The following GARS1 variants were observed in gnomAD, a reference collection of about 807,000 sequenced individuals.
GARS1 encodes glycine--tRNA ligase.
In GARS1, 46 loss-of-function variants were observed where a neutral mutation model predicts 86.4. The ratio of observed to expected loss-of-function variants is 0.53; its 90% CI spans 0.42 to 0.68. The LOEUF (loss-of-function observed/expected upper bound fraction) is 0.68. Ranked by LOEUF, GARS1 falls within the 30% of genes least tolerant of loss-of-function variation. The probability of loss-of-function intolerance (pLI) is 0.00; values close to 1 mark genes in which losing one functional copy is unlikely to be tolerated. For synonymous variants in GARS1, 342 were observed against 329.8 expected, an observed-to-expected ratio of 1.04 and a Z score of -0.40; for missense variants, 797 against 915.6, an observed-to-expected ratio of 0.87 and a Z score of 1.67.
chr7:30,622,974 G>A (rs886328372), intron 12 of GARS1, among the ~76,000 whole-genome samples: 3 of 151,868 alleles, frequency 2.0e-5, no homozygotes, highest in Non-Finnish European at 2.9e-5. Context: ...GGTGGCGGGC[G>A]CCTGTAGTCC....
At chr7:30,616,161 G>A in intron 9 of GARS1, 103 bp downstream of exon 9, 5 of 1,339,464 alleles carry the variant, frequency 3.7e-6, no homozygotes, top group Non-Finnish European at 5.3e-6. Context: ...TATTTTGGCA[G>A]TCATTTGCTT....
chr7:30,627,592 A>G (rs1200650159), intron 13 of GARS1, among the ~76,000 whole-genome samples: 6 of 152,202 alleles, frequency 3.9e-5, no homozygotes, highest in Admixed American at 3.9e-4. Context: ...AATTATCAGT[A>G]TATTTCCTGT....
At chr7:30,606,358 C>G (rs994866059) in intron 6 of GARS1, among the ~76,000 whole-genome samples, 1 of 130,606 alleles carries the variant, frequency 7.7e-6, no homozygotes, top group African/African-American at 2.8e-5. Context: ...AACTTTCTAT[C>G]AACTATTTGA....
intron 13 of GARS1, among the ~76,000 whole-genome samples, chr7:30,627,782 A>T (rs1329537277): frequency 6.6e-6 from 1 of 152,270 alleles, no homozygotes; most frequent in Non-Finnish European, 1.5e-5. Flanking sequence ...CAAGCTAAAA[A>T]GTTAAACAAA....
chr7:30,628,419 A>C (rs1783168676), intron 13 of GARS1, 141 bp from the exon 14 acceptor site: 6 of 613,230 alleles, frequency 9.8e-6, no homozygotes, highest in Non-Finnish European at 1.6e-5. Context: ...TCCTGACCTC[A>C]GATGATCCAC....
At chr7:30,627,009 A>G (rs1020331957) in intron 13 of GARS1, 3 of 440,618 alleles carry the variant, frequency 6.8e-6, no homozygotes, top group African/African-American at 2.1e-5. Context: ...AATTTAGACC[A>G]GTGATGTTGC....
At position 30,627,956 on chromosome 7, in the gene GARS1, C is replaced by T. The variant is rs561154133; in HGVS notation, c.1700-604C>T. 1.9e-4 allele frequency among the ~76,000 whole-genome samples: 29 copies of T among 152,252 alleles called. No homozygotes were observed. The East Asian group carries it at 3.7e-3, about 19-fold the overall frequency. ...GAGATAAAGTGTAGCTGCTGCTATT[C>T]GTAGTTTGCTGACTGGTGAAGGAAT... On this transcript the variant is annotated intron_variant, in intron 13 of 16. Coordinates refer to ENST00000389266, the MANE Select transcript of GARS1 (RefSeq NM_002047.4).
At chr7:30,598,540 C>G (rs917602434) in intron 1 of GARS1, among the ~76,000 whole-genome samples, 3 of 152,062 alleles carry the variant, frequency 2.0e-5, no homozygotes, top group African/African-American at 7.2e-5. Context: ...AGGTGCCCAC[C>G]ACCACGGCCG....
intron 9 of GARS1, 104 bp downstream of exon 9, chr7:30,616,162 T>G: frequency 7.5e-7 from 1 of 1,331,956 alleles, no homozygotes; most frequent in Non-Finnish European, 1.1e-6. Flanking sequence ...ATTTTGGCAG[T>G]CATTTGCTTT....
intron 7 of GARS1, among the ~76,000 whole-genome samples, chr7:30,610,579 T>C (rs546157379): frequency 6.6e-6 from 1 of 152,206 alleles, no homozygotes; most frequent in Non-Finnish European, 1.5e-5. Context: ...ATCAGGTTGA[T>C]TTGGAATATT....
intron 6 of GARS1, among the ~76,000 whole-genome samples, chr7:30,607,396 A>C (rs962278088): frequency 5.9e-5 from 9 of 152,196 alleles, no homozygotes; most frequent in Admixed American, 2.0e-4. Context: ...TGTCCTTTGT[A>C]GGGACATGGA....
rs746437033 is a variant in GARS1 at position 30,594,927 on chromosome 7, C to G, written c.6C>G (p.Pro2=). The G allele has an allele frequency of 6.3e-7, 1 of 1,587,748 alleles. No homozygotes were observed. The highest frequency in any genetic ancestry group is 1.1e-5 in the South Asian group (1 of 88,696). Residue 2 remains proline (P), a synonymous_variant, in exon 1 of 17, where the codon CCC becomes CCG. Coordinates refer to ENST00000389266, the MANE Select transcript of GARS1 (RefSeq NM_002047.4). M[P]SPRPVLLRGA... ...CAGCCCAGGGCCGCAGGCTCATGCC[C>G]TCTCCGCGTCCAGTGCTGCTTAGAG...
chr7:30,609,246 A>G (rs1025831904), intron 6 of GARS1, among the ~76,000 whole-genome samples: 18 of 152,226 alleles, frequency 1.2e-4, no homozygotes, highest in African/African-American at 4.3e-4. Context: ...TGTTCAGAGT[A>G]GTAAAATTCA....
rs1289450971 is a variant in GARS1 at position 30,609,725 on chromosome 7, G to A, written c.876G>A (p.Met292Ile). 2 of 1,613,088 alleles carry A rather than the reference G, an allele frequency of 1.2e-6. No individual in the cohort carries two copies. Among genetic ancestry groups the A allele is most frequent in the African/African-American group, 1.3e-5 (1 of 74,882 alleles). The part of the protein sequence containing the change: ...FKTFIGPGGN[M>I]PGYLRPETAQ... Reference sequence around the variant, plus strand: ...CTTTCATTGGGCCTGGAGGAAACATGCCTGGGTATGTATCACTTATTGTTT... The same window carrying A: ...CTTTCATTGGGCCTGGAGGAAACATACCTGGGTATGTATCACTTATTGTTT... Residue 292 changes from methionine to isoleucine, a missense_variant, in exon 7 of 17, where the codon ATG (methionine) becomes ATA (isoleucine). Around this residue, in one of 2 missense-constraint regions of GARS1, gnomAD observed 598 missense variants for 738.7 expected, o/e 0.81. Coordinates refer to ENST00000389266, the MANE Select transcript of GARS1 (RefSeq NM_002047.4).
upstream of GARS1, chr7:30,594,770 G>C: frequency 1.5e-6 from 1 of 647,452 alleles, no homozygotes; most frequent in South Asian, 1.9e-5. Context: ...TGTCGAATCT[G>C]CGGCGGCGAC....
Position 30,614,855 on chromosome 7 carries a change from G to C in GARS1, c.1032-1041G>C, listed in dbSNP as rs1253773510. Among the ~76,000 whole-genome samples the C allele has an allele frequency of 3.4e-5, 5 of 146,432 alleles. 1 individual carries two copies. Among genetic ancestry groups the C allele is most frequent in the Admixed American group, 1.4e-4 (2 of 14,582 alleles). ...CGCGCCACTGCACTCCAGCCTGGGC[G>C]AGCGAGACTCCGTCTCAAAAAAAAA... On this transcript the variant is annotated intron_variant, in intron 8 of 16. Coordinates refer to ENST00000389266, the MANE Select transcript of GARS1 (RefSeq NM_002047.4).
chr7:30,602,743 C>T (rs1791406785), intron 4 of GARS1, among the ~76,000 whole-genome samples: 1 of 152,156 alleles, frequency 6.6e-6, no homozygotes, highest in Admixed American at 6.5e-5. Flanking sequence ...TTAATTGATC[C>T]TGAAGAATAG....
At chr7:30,618,515 T>C (rs1366733718) in intron 10 of GARS1, among the ~76,000 whole-genome samples, 2 of 152,134 alleles carry the variant, frequency 1.3e-5, no homozygotes, top group African/African-American at 4.8e-5. Flanking sequence ...GCCCCTGTAG[T>C]TTCAGCTACT....
intron 12 of GARS1, among the ~76,000 whole-genome samples, chr7:30,622,915 A>G (rs1389119177): frequency 6.6e-6 from 1 of 152,086 alleles, no homozygotes; most frequent in Non-Finnish European, 1.5e-5. Flanking sequence ...CCTGGCTAAC[A>G]CAGTGAAACC....
Sources: gnomAD v4.1 joint callset for allele counts (sites outside exome capture counted in the v4.1 genomes callset) on GRCh38, gnomAD v4.1.1 for gene constraint, gnomAD v4.1.1 regional missense constraint, MANE v1.5 for transcripts, NCBI Gene and HGNC (gene_info 2026-07-23, HGNC 2026-07-21) for gene names.